GABRA5: variants seen among roughly 807,000 people sequenced by gnomAD.
The protein encoded by GABRA5 is gamma-aminobutyric acid type A receptor subunit alpha5, also known as gamma-aminobutyric acid receptor subunit alpha-5.
GABRA5 carries 18 observed loss-of-function variants against 47.3 expected under a neutral mutation model. The observed-to-expected ratio is 0.38, with a 90% confidence interval of 0.26 to 0.56. GABRA5 has a LOEUF of 0.56. GABRA5 is among the 20% of genes least tolerant of loss of function. The pLI, the probability that GABRA5 is intolerant of heterozygous loss-of-function variation, is 0.71. For synonymous variants in GABRA5, 237 were observed against 229.3 expected, an observed-to-expected ratio of 1.03 and a Z score of -0.30; for missense variants, 365 against 599.3, an observed-to-expected ratio of 0.61 and a Z score of 4.08.
At chr15:26,893,479 A>C (rs1420961349) in intron 6 of GABRA5, among the ~76,000 whole-genome samples, 1 of 628 alleles carries the variant, frequency 1.6e-3, no homozygotes, top group African/African-American at 3.8e-3. Flanking sequence ...TGAAGTTATG[A>C]GCAGGGCACG....
intron 9 of GABRA5, among the ~76,000 whole-genome samples, chr15:26,940,447 T>G (rs2140589345): frequency 6.6e-6 from 1 of 152,230 alleles, no homozygotes; most frequent in South Asian, 2.1e-4. Flanking sequence ...TTTTTTAAAT[T>G]TTGGAAGAAT....
In GABRA5 at chr15:26,883,317, C is replaced by T. The variant is rs774021067; in HGVS notation, c.277-20C>T. The T allele has an allele frequency of 3.1e-6, 5 of 1,612,790 alleles. No individual in the cohort carries two copies. The highest frequency in any genetic ancestry group is 3.4e-6 in the Non-Finnish European group (4 of 1,178,932). On this transcript the variant is annotated intron_variant, in intron 5 of 10. Coordinates refer to ENST00000335625, the MANE Select transcript of GABRA5 (RefSeq NM_000810.4). This position sits in a 1 kb window ranked among gnomAD's most constrained non-coding sequence, Gnocchi z 4.8. Reference sequence around the variant, plus strand: ...CAGGCCCCGTGCCCTCTGACTGCCTCGTGCCTTCCTTTCCACTAGGAGTAC... The same window carrying T: ...CAGGCCCCGTGCCCTCTGACTGCCTTGTGCCTTCCTTTCCACTAGGAGTAC...
chr15:26,880,089 CT>C (rs1892690450), intron 3 of GABRA5, among the ~76,000 whole-genome samples: 1 of 152,216 alleles, frequency 6.6e-6, no homozygotes, highest in Admixed American at 6.5e-5. Flanking sequence ...TTGTCTAGAT[CT>C]GCTAGGGCAG....
At chr15:26,882,079 C>T (rs1178626128) in intron 4 of GABRA5, among the ~76,000 whole-genome samples, 2 of 152,220 alleles carry the variant, frequency 1.3e-5, no homozygotes, top group South Asian at 2.1e-4. Context: ...GGCTCCTTAA[C>T]AGTCTCTTAC....
chr15:26,946,492 C>T (rs2140605437), intron 10 of GABRA5, among the ~76,000 whole-genome samples: 1 of 151,584 alleles, frequency 6.6e-6, no homozygotes, highest in Non-Finnish European at 1.5e-5. Flanking sequence ...ATTTCCCACT[C>T]CATATGTCAG....
At chr15:26,928,632 G>A (rs1444099158) in intron 7 of GABRA5, among the ~76,000 whole-genome samples, 1 of 152,166 alleles carries the variant, frequency 6.6e-6, no homozygotes, top group Non-Finnish European at 1.5e-5. Flanking sequence ...CTTCTGCCAT[G>A]TGAGGACAAT....
chr15:26,885,380 A>T (rs77180503), intron 6 of GABRA5, among the ~76,000 whole-genome samples: 1 of 151,854 alleles, frequency 6.6e-6, no homozygotes, highest in Non-Finnish European at 1.5e-5. Flanking sequence ...GCTTCAAAGC[A>T]TCTTTCTGGA....
At chr15:26,895,609 G>A (rs1444758310) in intron 6 of GABRA5, among the ~76,000 whole-genome samples, 1 of 151,176 alleles carries the variant, frequency 6.6e-6, no homozygotes, top group Non-Finnish European at 1.5e-5. Context: ...TCAGGAGATC[G>A]ACACCATCCT....
rs1197144682 is a variant in GABRA5 at position 26,948,848 on chromosome 15, C to T, written c.*615C>T. ...AGAAATACATCATATGTTAGATACA[C>T]AAAATATTTCCCTGAGGAAAAAAAA... On this transcript the variant is annotated 3_prime_UTR_variant, in exon 11 of 11. Transcript: ENST00000335625. The T allele has an allele frequency of 1.3e-5, 2 of 152,054 alleles. No individual in the cohort carries two copies. Among genetic ancestry groups the T allele is most frequent in the East Asian group, 1.9e-4 (1 of 5,188 alleles). 9.4% of individuals were successfully genotyped at this position (152,054 alleles called of 1,614,324 possible).
At chr15:26,893,391 A>ATGG (rs1893078525) in intron 6 of GABRA5, among the ~76,000 whole-genome samples, 1 of 1,594 alleles carries the variant, frequency 6.3e-4, no homozygotes, top group Non-Finnish European at 1.3e-3. Context: ...TATATGGAGT[A>ATGG]TGTGTATGGT....
intron 6 of GABRA5, among the ~76,000 whole-genome samples, chr15:26,898,710 A>T (rs1003161147): frequency 3.4e-5 from 5 of 145,862 alleles, no homozygotes; most frequent in Admixed American, 3.4e-4. Flanking sequence ...TTTTTCAGTT[A>T]TCTTTGGGCT....
intron 7 of GABRA5, among the ~76,000 whole-genome samples, chr15:26,928,945 G>A (rs548113028): frequency 1.0e-3 from 152 of 152,194 alleles, no homozygotes; most frequent in Non-Finnish European, 1.7e-3. Context: ...ATTCATGAGG[G>A]CTCCATCCTC....
intron 7 of GABRA5, among the ~76,000 whole-genome samples, chr15:26,919,272 T>C (rs1003572847): frequency 3.3e-5 from 5 of 152,244 alleles, no homozygotes; most frequent in African/African-American, 9.6e-5. Context: ...AAGGATTCAC[T>C]ATTGGCATTT....
chr15:26,933,007 C>G (rs1016114656), intron 7 of GABRA5, among the ~76,000 whole-genome samples: 1 of 151,722 alleles, frequency 6.6e-6, no homozygotes, highest in East Asian at 1.9e-4. Flanking sequence ...GGCTTAATAC[C>G]TAGGTGATGG....
In GABRA5 at chr15:26,948,396, T is replaced by C; in HGVS notation, c.*163T>C. 1 of 650,998 alleles carries C rather than the reference T, an allele frequency of 1.5e-6. No homozygotes were observed. The highest frequency in any genetic ancestry group is 2.6e-6 in the Non-Finnish European group (1 of 381,194). The allele number at this position is 650,998 out of a possible 1,614,324, so 40.3% of individuals were successfully genotyped here. Reference sequence around the variant, plus strand: ...AATATTGCCTTGATGTTTCTATATGTAACTTCAGATGTTTCCAAGATGTCC... The same window carrying C: ...AATATTGCCTTGATGTTTCTATATGCAACTTCAGATGTTTCCAAGATGTCC... On this transcript the variant is annotated 3_prime_UTR_variant, in exon 11 of 11. Transcript: ENST00000335625.
intron 3 of GABRA5, among the ~76,000 whole-genome samples, chr15:26,877,279 T>G (rs1180587633): frequency 6.6e-6 from 1 of 152,194 alleles, no homozygotes; most frequent in South Asian, 2.1e-4. Context: ...CTTGGTTTTG[T>G]TTTTCTGTTA....
intron 6 of GABRA5, among the ~76,000 whole-genome samples, chr15:26,910,535 G>A (rs1334588545): frequency 1.3e-5 from 2 of 151,636 alleles, no homozygotes; most frequent in African/African-American, 4.8e-5. Context: ...GGGAGGTGGA[G>A]GTTGCAGTGA....
chr15:26,897,524 C>T (rs1893227623), intron 6 of GABRA5, among the ~76,000 whole-genome samples: 1 of 152,146 alleles, frequency 6.6e-6, no homozygotes, highest in African/African-American at 2.4e-5. Context: ...ATGGCAGCCC[C>T]AGCAGACTAC....
At position 26,943,399 on chromosome 15, in the gene GABRA5, A is replaced by G. The variant is rs1320332269; in HGVS notation, c.1062A>G (p.Lys354=). Residue 354 remains lysine (K), a synonymous_variant, in exon 10 of 11, where the codon AAA becomes AAG. Coordinates refer to ENST00000335625, the MANE Select transcript of GABRA5 (RefSeq NM_000810.4). ...FTKRGWAWDG[K]KALEAAKIKK... ...AGAGAGGCTGGGCCTGGGATGGCAA[A>G]AAAGCCTTGGAAGCAGCCAAGATCA... 2 of 1,596,052 alleles carry G rather than the reference A, an allele frequency of 1.3e-6. No homozygotes were observed. Among genetic ancestry groups the G allele is most frequent in the African/African-American group, 2.7e-5 (2 of 74,550 alleles).
Sources: allele counts gnomAD v4.1 joint callset (sites outside exome capture counted in the v4.1 genomes callset), GRCh38; gene constraint gnomAD v4.1.1; non-coding constraint Gnocchi (gnomAD v3.1); transcripts MANE v1.5; gene names NCBI Gene and HGNC (gene_info 2026-07-23, HGNC 2026-07-21).